TLL2: variants seen among roughly 807,000 people sequenced by gnomAD.
TLL2 encodes the protein tolloid-like protein 2.
In TLL2, 106 loss-of-function variants were observed where a neutral mutation model predicts 123.0. The ratio of observed to expected loss-of-function variants is 0.86; its 90% CI spans 0.74 to 1.01. The LOEUF (loss-of-function observed/expected upper bound fraction) is 1.01, where lower values mean the gene tolerates loss of function less well. Ranked by LOEUF, TLL2 falls within the 50% of genes least tolerant of loss-of-function variation. TLL2 has a pLI of 0.00. For missense variants in TLL2, 1,332 were observed against 1,336.7 expected (o/e 1.00, Z 0.06); for synonymous variants, 494 against 516.8 (o/e 0.96, Z 0.60).
chr10:96,409,039 C>T (rs914515228), intron 9 of TLL2, among the ~76,000 whole-genome samples: 11 of 152,212 alleles, frequency 7.2e-5, no homozygotes, highest in Non-Finnish European at 1.5e-5. Context: ...CTAGTTAGCA[C>T]ACTATGCTTA....
intron 9 of TLL2, among the ~76,000 whole-genome samples, chr10:96,406,778 C>T (rs959411410): frequency 2.0e-5 from 3 of 152,150 alleles, no homozygotes; most frequent in African/African-American, 4.8e-5. Flanking sequence ...CAAAGCATTT[C>T]CTTTCCAGCC....
intron 1 of TLL2, among the ~76,000 whole-genome samples, chr10:96,497,681 G>A (rs1322699631): frequency 6.6e-6 from 1 of 152,138 alleles, no homozygotes; most frequent in Non-Finnish European, 1.5e-5. Context: ...GGGATAATGG[G>A]CTCATCTCTG....
chr10:96,457,132 T>C (rs751988463), intron 2 of TLL2, among the ~76,000 whole-genome samples: 30 of 152,206 alleles, frequency 2.0e-4, no homozygotes, highest in Non-Finnish European at 3.8e-4. Flanking sequence ...TGGCACATTG[T>C]AGGGACCCAG....
intron 1 of TLL2, among the ~76,000 whole-genome samples, chr10:96,487,154 G>A (rs901023432): frequency 2.0e-5 from 3 of 152,192 alleles, no homozygotes; most frequent in Non-Finnish European, 4.4e-5. Context: ...CTGAGCCATG[G>A]TTTCCTCATC....
chr10:96,397,662 G>C (rs1367993243), intron 10 of TLL2, among the ~76,000 whole-genome samples: 1 of 152,196 alleles, frequency 6.6e-6, no homozygotes. Flanking sequence ...GGTGTTTCCT[G>C]TTGCATGTAT....
intron 17 of TLL2, among the ~76,000 whole-genome samples, chr10:96,377,966 G>A (rs1363223211): frequency 1.3e-5 from 2 of 152,224 alleles, no homozygotes; most frequent in Non-Finnish European, 2.9e-5. Flanking sequence ...CCACACTGCA[G>A]GAGGCAAGCC....
intron 2 of TLL2, among the ~76,000 whole-genome samples, chr10:96,457,454 C>T (rs1847028129): frequency 6.6e-6 from 1 of 152,192 alleles, no homozygotes; most frequent in Non-Finnish European, 1.5e-5. Context: ...GAAGGGAAGG[C>T]AGATAGGAAG....
At chr10:96,406,056 T>C (rs1433716538) in intron 9 of TLL2, among the ~76,000 whole-genome samples, 1 of 152,172 alleles carries the variant, frequency 6.6e-6, no homozygotes, top group Non-Finnish European at 1.5e-5. Flanking sequence ...CAGCCCTGTC[T>C]GGACATCCCT....
At chr10:96,512,633 C>A (rs1413538373) in intron 1 of TLL2, among the ~76,000 whole-genome samples, 3 of 152,278 alleles carry the variant, frequency 2.0e-5, no homozygotes, top group African/African-American at 7.2e-5. Context: ...CTGTGCGAGC[C>A]TCTGAGCCCA....
chr10:96,440,798 A>G (rs1346406150), intron 3 of TLL2, among the ~76,000 whole-genome samples: 1 of 152,222 alleles, frequency 6.6e-6, no homozygotes, highest in African/African-American at 2.4e-5. Context: ...GAGAAATTTA[A>G]TTTGCTAAGG....
intron 2 of TLL2, among the ~76,000 whole-genome samples, chr10:96,477,451 C>A (rs34765631): frequency 1.3e-5 from 2 of 151,330 alleles, no homozygotes; most frequent in Non-Finnish European, 2.9e-5. Flanking sequence ...CAGGCTCAAG[C>A]GATCCTCCCA....
At chr10:96,462,846 C>T (rs1437631619) in intron 2 of TLL2, among the ~76,000 whole-genome samples, 3 of 152,076 alleles carry the variant, frequency 2.0e-5, no homozygotes, top group Non-Finnish European at 2.9e-5. Flanking sequence ...TACTTGGGGG[C>T]CATGTTAAAT....
intron 11 of TLL2, among the ~76,000 whole-genome samples, chr10:96,396,412 G>A (rs2134063009): frequency 6.6e-6 from 1 of 152,222 alleles, no homozygotes; most frequent in South Asian, 2.1e-4. Flanking sequence ...ACCGCTGGTA[G>A]GAAAGGACCC....
chr10:96,447,002 C>G (rs1846902282), intron 2 of TLL2, among the ~76,000 whole-genome samples: 2 of 152,178 alleles, frequency 1.3e-5, no homozygotes, highest in African/African-American at 4.8e-5. Flanking sequence ...GGAAAATGCT[C>G]TGAAGAAGAT....
intron 17 of TLL2, among the ~76,000 whole-genome samples, chr10:96,377,956 C>T (rs1021211881): frequency 4.6e-5 from 7 of 152,230 alleles, no homozygotes; most frequent in Admixed American, 3.3e-4. Context: ...CTGTCCTCTC[C>T]CACACTGCAG....
chr10:96,371,714 C>T (rs1846086678), intron 19 of TLL2, among the ~76,000 whole-genome samples: 1 of 152,256 alleles, frequency 6.6e-6, no homozygotes, highest in Non-Finnish European at 1.5e-5. Flanking sequence ...CCCTCCCCAC[C>T]TGCCTGGGCC....
rs112143542 is a variant in TLL2, at chr10:96,379,034, G to A, written c.2253C>T (p.Phe751=). Residue 751 remains phenylalanine, a synonymous_variant, in exon 17 of 21, where the codon TTC becomes TTT. Coordinates refer to ENST00000357947, the MANE Select transcript of TLL2 (RefSeq NM_012465.4). ...TTCTGCACCTGCACAGGTAGCTCCCGAAGGTGTTGACGCACTCATGCTGAC... is the reference window on the plus strand; with the variant it reads ...TTCTGCACCTGCACAGGTAGCTCCCAAAGGTGTTGACGCACTCATGCTGAC... The part of the protein sequence containing the change: ...GGCQHECVNT[F]GSYLCRCRNG... The A allele has an allele frequency of 2.5e-6, 4 of 1,614,190 alleles. No homozygotes were observed. Among genetic ancestry groups the A allele is most frequent in the East Asian group, 2.2e-5 (1 of 44,888 alleles).
chr10:96,401,529 C>T (rs1846394898), intron 10 of TLL2, among the ~76,000 whole-genome samples: 1 of 150,968 alleles, frequency 6.6e-6, no homozygotes. Flanking sequence ...CACACACGCA[C>T]ACACACAGTT....
intron 11 of TLL2, 81 bp from the exon 12 acceptor site, chr10:96,396,101 G>GA (rs1846337411): frequency 3.9e-6 from 6 of 1,533,798 alleles, no homozygotes; most frequent in Non-Finnish European, 3.5e-6. Context: ...GAGGCGGGGG[G>GA]AACAGCGCTT....
Sources: allele counts gnomAD v4.1 joint callset (sites outside exome capture counted in the v4.1 genomes callset), GRCh38; gene constraint gnomAD v4.1.1; transcripts MANE v1.5; gene names NCBI Gene and HGNC (gene_info 2026-07-23, HGNC 2026-07-21).